The following TANGO6 variants were observed in gnomAD, a reference collection of about 807,000 sequenced individuals.
TANGO6 encodes the protein transport and golgi organization 6 homolog, also known as transport and Golgi organization protein 6 homolog.
Under a neutral mutation model 114.2 loss-of-function variants are expected in TANGO6, and 90 were observed. The observed-to-expected ratio is 0.79, with a 90% CI of 0.66 to 0.94. TANGO6 has a LOEUF of 0.94. Among genes scored for constraint, TANGO6 ranks in the 40% least tolerant of loss-of-function variants. The pLI is 0.00. For synonymous variants in TANGO6, 477 were observed against 509.8 expected (o/e 0.94, Z 0.87); for missense variants, 1,274 against 1,315.3 (o/e 0.97, Z 0.49).
chr16:68,869,887 G>A (rs1227142028), intron 4 of TANGO6, among the ~76,000 whole-genome samples: 1 of 152,220 alleles, frequency 6.6e-6, no homozygotes, highest in Non-Finnish European at 1.5e-5. Flanking sequence ...CTCCACGTGG[G>A]TAGAGTAGTG....
chr16:68,927,298 A>G (rs937491266), intron 12 of TANGO6, among the ~76,000 whole-genome samples: 1 of 152,166 alleles, frequency 6.6e-6, no homozygotes, highest in African/African-American at 2.4e-5. Context: ...TAAAATGTAG[A>G]TAATAATAGT....
intron 12 of TANGO6, among the ~76,000 whole-genome samples, chr16:68,920,019 C>G (rs1963068642): frequency 6.6e-6 from 1 of 152,176 alleles, no homozygotes; most frequent in Non-Finnish European, 1.5e-5. Flanking sequence ...TGCACTCCAG[C>G]CTGGGTGACA....
chr16:69,043,554 T>A lies in TANGO6; in HGVS notation c.3108+3133T>A, dbSNP rs1244821945. 2.6e-5 allele frequency among the ~76,000 whole-genome samples: 4 copies of A among 152,148 alleles called. No homozygotes were observed. In the East Asian group the frequency reaches 7.7e-4, roughly 29 times the overall value. Reference sequence around the variant, plus strand: ...ACTCACTGAAACTTATAAGTTGTGCTTAGTGAATAAAGAAAAGGAAATGGG... The same window carrying A: ...ACTCACTGAAACTTATAAGTTGTGCATAGTGAATAAAGAAAAGGAAATGGG... On this transcript the variant is annotated intron_variant, in intron 17 of 17. Transcript: ENST00000261778.
chr16:68,910,577 C>T (rs1962908780), intron 11 of TANGO6, among the ~76,000 whole-genome samples: 1 of 152,216 alleles, frequency 6.6e-6, no homozygotes, highest in Non-Finnish European at 1.5e-5. Context: ...AATTATCCTT[C>T]AGCTAAGGTT....
intron 17 of TANGO6, among the ~76,000 whole-genome samples, chr16:69,058,204 C>A (rs200194679): frequency 1.3e-5 from 2 of 152,294 alleles, no homozygotes; most frequent in East Asian, 3.9e-4. Context: ...GAAATGACAG[C>A]CTGGATTGAT....
intron 14 of TANGO6, among the ~76,000 whole-genome samples, chr16:68,967,946 T>C (rs189379203): frequency 6.6e-6 from 1 of 152,196 alleles, no homozygotes; most frequent in Non-Finnish European, 1.5e-5. Context: ...TGGGATCATC[T>C]TGAAGTCAAC....
chr16:68,847,168 G>A lies in TANGO6; in HGVS notation c.94+3457G>A, dbSNP rs11864774. ...GCCTCCCAAAGTGCTGGGATTACAG[G>A]CGTGAGCCACCGCGCCCGGCCAAAG... On this transcript the variant is annotated intron_variant, in intron 1 of 17. Coordinates refer to ENST00000261778, the MANE Select transcript of TANGO6 (RefSeq NM_024562.2). Among the ~76,000 whole-genome samples, 1,456 of 152,206 alleles carry A rather than the reference G, an allele frequency of 9.6e-3. 27 individuals carry two copies. Among genetic ancestry groups the A allele is most frequent in the African/African-American group, 0.033 (1,375 of 41,532 alleles).
At chr16:68,963,422 C>T (rs1963614260) in intron 14 of TANGO6, among the ~76,000 whole-genome samples, 1 of 152,150 alleles carries the variant, frequency 6.6e-6, no homozygotes, top group Non-Finnish European at 1.5e-5. Context: ...CAGCCCCTTG[C>T]CCTACTTTTT....
In TANGO6 at chr16:68,980,435, ATTT is replaced by A. The variant is rs1291932299; in HGVS notation, c.2842+6282_2842+6284del. The stretch of plus-strand genomic sequence containing the variant: ...TATATATATATATATATATATATAT[ATTT>A]TTTTTTTTTTTTTTGAGATAGGGTC... On this transcript the variant is annotated intron_variant, in intron 15 of 17. Transcript: ENST00000261778. Among the ~76,000 whole-genome samples, 583 of 61,670 alleles carry A rather than the reference ATTT, an allele frequency of 9.5e-3. 7 individuals are homozygous for A. Among genetic ancestry groups the A allele is most frequent in the African/African-American group, 0.019 (265 of 13,868 alleles). The allele number at this position is 61,670 out of a possible 152,430, so 40.5% of individuals were successfully genotyped here.
intron 3 of TANGO6, 61 bp from the exon 4 acceptor site, chr16:68,867,018 C>A: frequency 9.5e-7 from 1 of 1,048,238 alleles, no homozygotes; most frequent in Non-Finnish European, 1.3e-6. Flanking sequence ...TGAGCCACTA[C>A]GCCCGGCCAT....
At chr16:68,853,351 A>G (rs1216695700) in intron 1 of TANGO6, among the ~76,000 whole-genome samples, 1 of 151,996 alleles carries the variant, frequency 6.6e-6, no homozygotes, top group East Asian at 1.9e-4. Context: ...CCAGGTGAGA[A>G]AAGGAAAAAA....
At chr16:68,953,769 C>T (rs1207786978) in intron 14 of TANGO6, among the ~76,000 whole-genome samples, 1 of 152,200 alleles carries the variant, frequency 6.6e-6, no homozygotes, top group African/African-American at 2.4e-5. Context: ...GCCTTTGTGA[C>T]AGCTAGTCTA....
At chr16:68,973,361 A>C (rs558997193) in intron 14 of TANGO6, among the ~76,000 whole-genome samples, 1 of 152,288 alleles carries the variant, frequency 6.6e-6, no homozygotes, top group East Asian at 1.9e-4. Context: ...AATAAACAAC[A>C]GTATAGACAT....
intron 15 of TANGO6, among the ~76,000 whole-genome samples, chr16:68,978,223 G>A (rs143416532): frequency 1.5e-3 from 225 of 152,242 alleles, no homozygotes; most frequent in African/African-American, 4.8e-3. Context: ...GCTACCTTTG[G>A]GATGATAAAC....
At chr16:68,891,475 A>G (rs1031709715) in intron 7 of TANGO6, among the ~76,000 whole-genome samples, 3 of 145,686 alleles carry the variant, frequency 2.1e-5, no homozygotes, top group Non-Finnish European at 4.5e-5. Context: ...TTCAAAAAAA[A>G]GAAAGAAAGA....
At chr16:69,010,445 C>T (rs931844507) in intron 15 of TANGO6, among the ~76,000 whole-genome samples, 2 of 152,104 alleles carry the variant, frequency 1.3e-5, no homozygotes, top group African/African-American at 2.4e-5. Context: ...GATTTGACAC[C>T]GCCTGTTTCT....
chr16:68,989,002 T>C (rs944438128), intron 15 of TANGO6, among the ~76,000 whole-genome samples: 2 of 152,160 alleles, frequency 1.3e-5, no homozygotes, highest in African/African-American at 4.8e-5. Flanking sequence ...AGTATGGGAC[T>C]ACAGGTGCAT....
chr16:69,050,857 T>C (rs1420841226), intron 17 of TANGO6, among the ~76,000 whole-genome samples: 2 of 151,786 alleles, frequency 1.3e-5, no homozygotes, highest in Non-Finnish European at 2.9e-5. Context: ...ACTCGTGGGC[T>C]CAAGTAATCT....
At chr16:69,080,073 A>G (rs1960443219) in intron 17 of TANGO6, among the ~76,000 whole-genome samples, 1 of 152,212 alleles carries the variant, frequency 6.6e-6, no homozygotes, top group Non-Finnish European at 1.5e-5. Flanking sequence ...TGTTTATTGC[A>G]GCAATATTTG....
Sources: allele counts gnomAD v4.1 joint callset (sites outside exome capture counted in the v4.1 genomes callset), GRCh38; gene constraint gnomAD v4.1.1; transcripts MANE v1.5; gene names NCBI Gene and HGNC (gene_info 2026-07-23, HGNC 2026-07-21).